TRIM32: variants seen among roughly 807,000 people sequenced by gnomAD.
TRIM32 encodes E3 ubiquitin-protein ligase TRIM32.
A neutral mutation model predicts 36.0 loss-of-function variants in TRIM32; 19 were observed. The observed-to-expected ratio is 0.53, with a 90% confidence interval of 0.37 to 0.77. TRIM32 has a LOEUF of 0.77. TRIM32 is among the 30% of genes least tolerant of loss of function. The pLI, the probability that TRIM32 is intolerant of heterozygous loss-of-function variation, is 0.00. For missense variants in TRIM32, 747 were observed against 845.2 expected, an observed-to-expected ratio of 0.88 and a Z score of 1.44; for synonymous variants, 309 against 318.5, an observed-to-expected ratio of 0.97 and a Z score of 0.32.
Position 116,697,856 on chromosome 9 carries a change from C to T in TRIM32, c.114C>T (p.His38=), listed in dbSNP as rs761012752. 15 of 1,614,092 alleles carry T rather than the reference C, an allele frequency of 9.3e-6. No individual in the cohort carries two copies. The highest frequency in any genetic ancestry group is 1.2e-5 in the Non-Finnish European group (14 of 1,180,048). The change falls in exon 2 of 2, where the codon CAC becomes CAT. Residue 38 remains histidine, a synonymous_variant. Coordinates refer to ENST00000450136, the MANE Select transcript of TRIM32 (RefSeq NM_012210.4). ...TEEQLRPKLL[H]CGHTICRQCL... Reference sequence around the variant, plus strand: ...AGCAGCTGCGTCCCAAGCTTCTGCACTGTGGCCATACCATCTGCCGCCAGT... The same window carrying T: ...AGCAGCTGCGTCCCAAGCTTCTGCATTGTGGCCATACCATCTGCCGCCAGT...
intron 1 of TRIM32, among the ~76,000 whole-genome samples, chr9:116,689,320 TAAC>T (rs1860445401): frequency 6.6e-6 from 1 of 152,232 alleles, no homozygotes; most frequent in Non-Finnish European, 1.5e-5. Context: ...GGGGTTATGA[TAAC>T]AAGACCAATG....
rs930283364 is a variant in TRIM32 at position 116,700,784 on chromosome 9, A to C, written c.*1080A>C. On this transcript the variant is annotated 3_prime_UTR_variant, in exon 2 of 2. Transcript: ENST00000450136. ...GTTCATGTCTTTTAATTAAATACGG[A>C]ATTTTGGAGATGATAAGAGGGATAA... 1 of 166,934 alleles carries C rather than the reference A, an allele frequency of 6.0e-6. No individual in the cohort carries two copies. Among genetic ancestry groups the C allele is most frequent in the Non-Finnish European group, 1.5e-5 (1 of 68,108 alleles). The allele number at this position is 166,934 out of a possible 1,614,324, so 10.3% of individuals were successfully genotyped here.
At chr9:116,693,952 T>G (rs1182066413) in intron 1 of TRIM32, among the ~76,000 whole-genome samples, 2 of 152,158 alleles carry the variant, frequency 1.3e-5, no homozygotes, top group Admixed American at 1.3e-4. Context: ...AAAGCAGTGT[T>G]TTCAAGTCAT....
Position 116,701,265 on chromosome 9 carries a change from ATAGG to A in TRIM32, c.*1564_*1567del, listed in dbSNP as rs1564220646. 1 of 167,086 alleles carries A rather than the reference ATAGG, an allele frequency of 6.0e-6. No individual in the cohort carries two copies. Among genetic ancestry groups the A allele is most frequent in the Non-Finnish European group, 1.5e-5 (1 of 68,118 alleles). 10.4% of individuals were successfully genotyped at this position (167,086 alleles called of 1,614,324 possible). ...ATTGTATCATAATAGCTGCCAAAGG[ATAGG>A]TAAAGAGGTCATTAAAATGATGTTG... On this transcript the variant is annotated 3_prime_UTR_variant, in exon 2 of 2. Transcript: ENST00000450136.
chr9:116,692,139 A>G (rs1033347957), intron 1 of TRIM32, among the ~76,000 whole-genome samples: 6 of 152,360 alleles, frequency 3.9e-5, no homozygotes, highest in East Asian at 1.9e-4. Context: ...AAGCCACCAA[A>G]GGCTGATATA....
chr9:116,699,351 C>A lies in TRIM32; in HGVS notation c.1609C>A (p.Leu537Met). Residue 537 changes from leucine to methionine, a missense_variant, in exon 2 of 2, where the codon CTG becomes ATG. Physicochemically the swap from Leu to Met is conservative, Grantham distance 15. Transcript: ENST00000450136. The surrounding 1 kb of genome is among the most constrained non-coding windows in gnomAD (Gnocchi z 4.2). Reference sequence around the variant, plus strand: ...CTTCACCCAGGGCTTAGGCCTCAATCTGGAGAATCGGCAGAATGAGCACCA... The same window carrying A: ...CTTCACCCAGGGCTTAGGCCTCAATATGGAGAATCGGCAGAATGAGCACCA... ...VYFTQGLGLN[L>M]ENRQNEHHLE... 1 of 1,614,208 alleles carries A rather than the reference C, an allele frequency of 6.2e-7. No individual in the cohort carries two copies. The highest frequency in any genetic ancestry group is 8.5e-7 in the Non-Finnish European group (1 of 1,180,036).
rs1861064119 is a variant in TRIM32 at position 116,699,472 on chromosome 9, G to T, written c.1730G>T (p.Cys577Phe). ...HFFSENEDFRCIAGMCVDARG... is the reference protein window; with the variant it reads ...HFFSENEDFRFIAGMCVDARG... ...TTCTCGGAGAATGAGGATTTCCGCT[G>T]CATTGCTGGCATGTGTGTGGATGCT... The change falls in exon 2 of 2, where the codon TGC (cysteine) becomes TTC (phenylalanine). Residue 577 changes from cysteine to phenylalanine, a missense_variant. Transcript: ENST00000450136. The surrounding 1 kb of genome is among the most constrained non-coding windows in gnomAD (Gnocchi z 4.2). 6.2e-7 allele frequency: 1 copy of T among 1,614,094 alleles called. No homozygotes were observed. Among genetic ancestry groups the T allele is most frequent in the African/African-American group, 1.3e-5 (1 of 74,922 alleles).
Position 116,698,249 on chromosome 9 carries a change from C to T in TRIM32, c.507C>T (p.Ala169=). 6.2e-7 allele frequency: 1 copy of T among 1,614,156 alleles called. No homozygotes were observed. Among genetic ancestry groups the T allele is most frequent in the Non-Finnish European group, 8.5e-7 (1 of 1,180,034 alleles). The change falls in exon 2 of 2, where the codon GCC becomes GCT. Residue 169 remains alanine (A), a synonymous_variant. Transcript: ENST00000450136. This position sits in a 1 kb window ranked among gnomAD's most constrained non-coding sequence, Gnocchi z 4.4. The stretch of plus-strand genomic sequence containing the variant: ...GGGAGCTGCAGCGGCGGAAGGCAGC[C>T]TTGGAAGGTGTCTCCAAGGACCTTC... ...LMGELQRRKA[A]LEGVSKDLQA... is the part of the protein sequence containing the mutation.
rs1387809668 is a variant in TRIM32, at chr9:116,700,680, C to T, written c.*976C>T. On this transcript the variant is annotated 3_prime_UTR_variant, in exon 2 of 2. Coordinates refer to ENST00000450136, the MANE Select transcript of TRIM32 (RefSeq NM_012210.4). ...ATTCTGTGTTTTCCTCAAGTCAGTACATACTATTTGGTTTCAGGATTTCTT... is the reference window on the plus strand; with the variant it reads ...ATTCTGTGTTTTCCTCAAGTCAGTATATACTATTTGGTTTCAGGATTTCTT... 1 of 166,892 alleles carries T rather than the reference C, an allele frequency of 6.0e-6. No individual in the cohort carries two copies. The highest frequency in any genetic ancestry group is 1.5e-5 in the Non-Finnish European group (1 of 68,104). The allele number at this position is 166,892 out of a possible 1,614,324, so 10.3% of individuals were successfully genotyped here.
chr9:116,697,486 G>T (rs962553560), intron 1 of TRIM32, 176 bp from the exon 2 acceptor site: 3 of 492,832 alleles, frequency 6.1e-6, no homozygotes, highest in Non-Finnish European at 1.1e-5. Context: ...GCAGTGTTTT[G>T]TCTGGTTTGT....
intron 1 of TRIM32, among the ~76,000 whole-genome samples, chr9:116,687,917 G>C (rs1860355690): frequency 6.6e-6 from 1 of 151,952 alleles, no homozygotes; most frequent in South Asian, 2.1e-4. Context: ...TGAGATTGAG[G>C]GGGTGGGGTG....
At chr9:116,692,720 A>C (rs974959795) in intron 1 of TRIM32, among the ~76,000 whole-genome samples, 2 of 151,954 alleles carry the variant, frequency 1.3e-5, no homozygotes, top group Admixed American at 1.3e-4. Context: ...TGTGGTCTTA[A>C]TTTCCCTCTC....
At position 116,697,955 on chromosome 9, in the gene TRIM32, C is replaced by T. The variant is rs2132070638; in HGVS notation, c.213C>T (p.Thr71=). Reference sequence around the variant, plus strand: ...TTTGCAGCAAGATTACCCGCATAACCAGCTTGACCCAGCTGACAGACAATC... The same window carrying T: ...TTTGCAGCAAGATTACCCGCATAACTAGCTTGACCCAGCTGACAGACAATC... ...CPFCSKITRI[T]SLTQLTDNLT... The change falls in exon 2 of 2, where the codon ACC becomes ACT. Residue 71 remains threonine (T), a synonymous_variant. Coordinates refer to ENST00000450136, the MANE Select transcript of TRIM32 (RefSeq NM_012210.4). 2 of 1,614,236 alleles carry T rather than the reference C, an allele frequency of 1.2e-6. No homozygotes were observed. The highest frequency in any genetic ancestry group is 2.2e-5 in the South Asian group (2 of 91,086).
At chr9:116,693,646 C>T (rs1443700815) in intron 1 of TRIM32, among the ~76,000 whole-genome samples, 1 of 152,104 alleles carries the variant, frequency 6.6e-6, no homozygotes, top group East Asian at 1.9e-4. Context: ...AAGTGCACAA[C>T]AGGAAACAGA....
At chr9:116,691,929 T>C (rs73655471) in intron 1 of TRIM32, among the ~76,000 whole-genome samples, 6 of 152,350 alleles carry the variant, frequency 3.9e-5, no homozygotes, top group African/African-American at 1.4e-4. Flanking sequence ...GTGTCAATAG[T>C]AGGATGGACC....
In TRIM32 at chr9:116,698,694, A is replaced by G. The variant is rs1861015229; in HGVS notation, c.952A>G (p.Thr318Ala). 1 of 1,614,000 alleles carries G rather than the reference A, an allele frequency of 6.2e-7. No homozygotes were observed. The highest frequency in any genetic ancestry group is 8.5e-7 in the Non-Finnish European group (1 of 1,180,028). ...GGAGGCCACAGCGTCTGCTGCCTCT[A>G]CCTCTGTTACTTTTAGAGAGATGGA... ...AMEATASAASTSVTFREMDMS... is the reference protein window; with the variant it reads ...AMEATASAASASVTFREMDMS... The change falls in exon 2 of 2, where the codon ACC (threonine) becomes GCC (alanine). Residue 318 changes from threonine (T) to alanine (A), a missense_variant. Thr to Ala is a moderately conservative substitution (Grantham distance 58). Coordinates refer to ENST00000450136, the MANE Select transcript of TRIM32 (RefSeq NM_012210.4). This position sits in a 1 kb window ranked among gnomAD's most constrained non-coding sequence, Gnocchi z 4.4.
In TRIM32 at chr9:116,698,968, G is replaced by A. The variant is rs145828717; in HGVS notation, c.1226G>A (p.Arg409His). 2.9e-5 allele frequency: 47 copies of A among 1,614,004 alleles called. No individual in the cohort carries two copies. Among genetic ancestry groups the A allele is most frequent in the African/African-American group, 6.7e-5 (5 of 74,920 alleles). Residue 409 changes from arginine to histidine, a missense_variant, in exon 2 of 2, where the codon CGC (arginine) becomes CAC (histidine). By Grantham distance (29) the Arg-to-His change is conservative (BLOSUM62 0). Coordinates refer to ENST00000450136, the MANE Select transcript of TRIM32 (RefSeq NM_012210.4). This position sits in a 1 kb window ranked among gnomAD's most constrained non-coding sequence, Gnocchi z 4.4. ...TRKGFLKEIRRSPSGIDSFVL... is the reference protein window; with the variant it reads ...TRKGFLKEIRHSPSGIDSFVL... ...AAAGGCTTTTTGAAGGAAATCCGCC[G>A]CAGCCCCAGTGGCATTGATAGCTTT... is the stretch of plus-strand genomic sequence containing the variant.
intron 1 of TRIM32, among the ~76,000 whole-genome samples, chr9:116,693,891 C>T (rs1016498829): frequency 5.3e-5 from 8 of 152,128 alleles, no homozygotes; most frequent in South Asian, 2.1e-4. Flanking sequence ...CTGGAGGAGA[C>T]GGGCTCTATC....
rs759785845 is a variant in TRIM32 at position 116,699,483 on chromosome 9, A to G, written c.1741A>G (p.Met581Val). 6.2e-7 allele frequency: 1 copy of G among 1,614,178 alleles called. No homozygotes were observed. The highest frequency in any genetic ancestry group is 8.5e-7 in the Non-Finnish European group (1 of 1,180,034). ...TGAGGATTTCCGCTGCATTGCTGGC[A>G]TGTGTGTGGATGCTCGTGGTGATCT... Reference protein sequence around the residue: ...ENEDFRCIAGMCVDARGDLIV... With the variant: ...ENEDFRCIAGVCVDARGDLIV... Residue 581 changes from methionine (M) to valine (V), a missense_variant, in exon 2 of 2, where the codon ATG (methionine) becomes GTG (valine). Physicochemically the swap from Met to Val is conservative, Grantham distance 21. Coordinates refer to ENST00000450136, the MANE Select transcript of TRIM32 (RefSeq NM_012210.4). The surrounding 1 kb of genome is among the most constrained non-coding windows in gnomAD (Gnocchi z 4.2).
Sources: allele counts gnomAD v4.1 joint callset (sites outside exome capture counted in the v4.1 genomes callset), GRCh38; gene constraint gnomAD v4.1.1; non-coding constraint Gnocchi (gnomAD v3.1); transcripts MANE v1.5; gene names NCBI Gene and HGNC (gene_info 2026-07-23, HGNC 2026-07-21).